The following EMC8 variants were observed in gnomAD, a reference collection of about 807,000 sequenced individuals.
EMC8 encodes ER membrane protein complex subunit 8, also known as COX4 neighbor.
In EMC8, 11 loss-of-function variants were observed where a neutral mutation model predicts 24.3. The ratio of observed to expected loss-of-function variants is 0.45; its 90% CI spans 0.28 to 0.75. The LOEUF is 0.75. Among genes scored for constraint, EMC8 ranks in the 30% least tolerant of loss-of-function variants. The pLI is 0.12. For missense variants in EMC8, 277 were observed against 282.7 expected, an observed-to-expected ratio of 0.98 and a Z score of 0.14; for synonymous variants, 145 against 117.7, an observed-to-expected ratio of 1.23 and a Z score of -1.50.
At chr16:85,795,086 C>T (rs370628925) in intron 1 of EMC8, among the ~76,000 whole-genome samples, 2 of 151,970 alleles carry the variant, frequency 1.3e-5, no homozygotes, top group Non-Finnish European at 2.9e-5. Flanking sequence ...ATCCCATAGT[C>T]GGAACAGAAG....
At chr16:85,783,555 A>G (rs1275670941) in intron 2 of EMC8, among the ~76,000 whole-genome samples, 3 of 152,226 alleles carry the variant, frequency 2.0e-5, no homozygotes, top group Non-Finnish European at 2.9e-5. Context: ...ACAGCCCCAC[A>G]GACTACTGCT....
chr16:85,781,158 G>A, intron 3 of EMC8, 53 bp downstream of exon 3: 1 of 1,298,014 alleles, frequency 7.7e-7, no homozygotes. Context: ...CAAGCTCCAG[G>A]TTGGTGAGAG....
Position 85,779,347 on chromosome 16 carries a change from T to A in EMC8, c.*361A>T, listed in dbSNP as rs946235225. 16 of 160,340 alleles carry A rather than the reference T, an allele frequency of 1.0e-4. No individual in the cohort carries two copies. The highest frequency in any genetic ancestry group is 3.8e-4 in the African/African-American group (15 of 39,600). The allele number at this position is 160,340 out of a possible 1,614,324, so 9.9% of individuals were successfully genotyped here. ...TAAGATGTGGGCTTTTTTTTTTTTTTTTAAAAAAAGATAGTTCAAAAGCCT... is the reference window on the plus strand; with the variant it reads ...TAAGATGTGGGCTTTTTTTTTTTTTATTAAAAAAAGATAGTTCAAAAGCCT... On this transcript the variant is annotated 3_prime_UTR_variant, in exon 5 of 5. Transcript: ENST00000253457.
chr16:85,780,058 G>C (rs1477040176), intron 4 of EMC8, 191 bp from the exon 5 acceptor site: 1 of 609,674 alleles, frequency 1.6e-6, no homozygotes. Context: ...ACATGGAAGG[G>C]ACGCCTTTCA....
intron 1 of EMC8, chr16:85,792,630 G>C (rs1597207654): frequency 1.3e-5 from 2 of 152,492 alleles, no homozygotes; most frequent in South Asian, 4.1e-4. Flanking sequence ...GCTGGGGGAA[G>C]AGGATGGGGC....
chr16:85,785,324 C>T (rs1597202291), intron 2 of EMC8, among the ~76,000 whole-genome samples: 1 of 152,086 alleles, frequency 6.6e-6, no homozygotes, highest in Admixed American at 6.6e-5. Context: ...AATCCCAGCA[C>T]TTTGGGAGGT....
In EMC8 at chr16:85,778,774, G is replaced by T. The variant is rs1904359227; in HGVS notation, c.*934C>A. ...CCATGGAGTCAAAGAAAAGACAGTAGGAAAGGTACCGCTCTCTGAACTTTG... is the reference window on the plus strand; with the variant it reads ...CCATGGAGTCAAAGAAAAGACAGTATGAAAGGTACCGCTCTCTGAACTTTG... On this transcript the variant is annotated 3_prime_UTR_variant, in exon 5 of 5. Coordinates refer to ENST00000253457, the MANE Select transcript of EMC8 (RefSeq NM_006067.5). 2.0e-5 allele frequency: 3 copies of T among 152,088 alleles called. No homozygotes were observed. Among genetic ancestry groups the T allele is most frequent in the Admixed American group, 2.0e-4 (3 of 15,274 alleles). The allele number at this position is 152,088 out of a possible 1,614,324, so 9.4% of individuals were successfully genotyped here.
chr16:85,778,783 C>T lies in EMC8; in HGVS notation c.*925G>A, dbSNP rs933209496. 12 of 152,144 alleles carry T rather than the reference C, an allele frequency of 7.9e-5. No individual in the cohort carries two copies. The highest frequency in any genetic ancestry group is 7.9e-4 in the Admixed American group (12 of 15,278). 9.4% of individuals were successfully genotyped at this position (152,144 alleles called of 1,614,324 possible). The stretch of plus-strand genomic sequence containing the variant: ...CAAAGAAAAGACAGTAGGAAAGGTA[C>T]CGCTCTCTGAACTTTGTACAAAATA... On this transcript the variant is annotated 3_prime_UTR_variant, in exon 5 of 5. Coordinates refer to ENST00000253457, the MANE Select transcript of EMC8 (RefSeq NM_006067.5).
At position 85,779,122 on chromosome 16, in the gene EMC8, G is replaced by C. The variant is rs1037804103; in HGVS notation, c.*586C>G. 1.3e-5 allele frequency: 2 copies of C among 152,324 alleles called. No individual in the cohort carries two copies. The highest frequency in any genetic ancestry group is 4.8e-5 in the African/African-American group (2 of 41,430). The allele number at this position is 152,324 out of a possible 1,614,324, so 9.4% of individuals were successfully genotyped here. On this transcript the variant is annotated 3_prime_UTR_variant, in exon 5 of 5. Transcript: ENST00000253457. ...TCAGTGGTGTCACTCCCGCTGGGCAGAGTTGCGGTGGCTCTGTGAGCCGAC... is the reference window on the plus strand; with the variant it reads ...TCAGTGGTGTCACTCCCGCTGGGCACAGTTGCGGTGGCTCTGTGAGCCGAC...
chr16:85,799,023 G>T lies in EMC8; in HGVS notation c.231+42C>A, dbSNP rs1227764451. On this transcript the variant is annotated intron_variant, in intron 1 of 4. Coordinates refer to ENST00000253457, the MANE Select transcript of EMC8 (RefSeq NM_006067.5). This position sits in a 1 kb window ranked among gnomAD's most constrained non-coding sequence, Gnocchi z 4.2. ...CTTCCTCTCTGCTGACTGAGGGGAG[G>T]CCAGGCTGCCTGCAAGGGGAAGGGG... The T allele has an allele frequency of 2.3e-5, 32 of 1,362,590 alleles. No individual in the cohort carries two copies. The highest frequency in any genetic ancestry group is 2.9e-5 in the Non-Finnish European group (29 of 990,854). 84.4% of individuals were successfully genotyped at this position (1,362,590 alleles called of 1,614,324 possible). A position where few individuals can be genotyped will look rare whatever the true frequency, so the allele number is the denominator to read the frequency against.
chr16:85,780,945 C>T (rs1344068849), intron 3 of EMC8: 1 of 525,482 alleles, frequency 1.9e-6, no homozygotes, highest in Non-Finnish European at 3.4e-6. Flanking sequence ...GGGGTGGGTG[C>T]CTGGGAATTC....
At chr16:85,780,290 A>G (rs891224553) in intron 4 of EMC8, 89 bp downstream of exon 4, 1 of 938,392 alleles carries the variant, frequency 1.1e-6, no homozygotes, top group Non-Finnish European at 1.7e-6. Context: ...AGAAAACGCT[A>G]ACTGAAAACA....
At position 85,783,065 on chromosome 16, in the gene EMC8, C is replaced by T. The variant is rs138107138; in HGVS notation, c.309-1785G>A. Among the ~76,000 whole-genome samples the T allele has an allele frequency of 1.6e-4, 24 of 152,220 alleles. No homozygotes were observed. The East Asian group carries it at 3.1e-3, about 20-fold the overall frequency. On this transcript the variant is annotated intron_variant, in intron 2 of 4. Coordinates refer to ENST00000253457, the MANE Select transcript of EMC8 (RefSeq NM_006067.5). The stretch of plus-strand genomic sequence containing the variant: ...CTGTAATCCCTGCACTTTCGGAGGC[C>T]GAGGCAGGTGGATCACCTGATGAGG...
Position 85,781,259 on chromosome 16 carries a change from C to T in EMC8, c.330G>A (p.Lys110=), listed in dbSNP as rs2084719. The part of the protein sequence containing the change: ...KDASPNQVAE[K]VASRIAEGFS... ...AGCCCTCGGCGATTCTGGAGGCCAC[C>T]TTCTCTGCAACCTGGTTTGGACTGT... Residue 110 remains lysine (K), a synonymous_variant, in exon 3 of 5, where the codon AAG becomes AAA. Transcript: ENST00000253457. 3.1e-6 allele frequency: 5 copies of T among 1,608,450 alleles called. No homozygotes were observed. The highest frequency in any genetic ancestry group is 3.4e-6 in the Non-Finnish European group (4 of 1,178,428).
intron 1 of EMC8, among the ~76,000 whole-genome samples, chr16:85,793,617 G>A (rs897400765): frequency 1.3e-5 from 2 of 152,198 alleles, no homozygotes; most frequent in African/African-American, 2.4e-5. Flanking sequence ...GGCAGCCGCC[G>A]TGCAGAGGAG....
At chr16:85,796,482 C>G (rs1479045202) in intron 1 of EMC8, among the ~76,000 whole-genome samples, 1 of 152,158 alleles carries the variant, frequency 6.6e-6, no homozygotes, top group Admixed American at 6.5e-5. Context: ...AGGCTGGGGC[C>G]ATCACTCGAA....
chr16:85,781,935 C>T (rs946385801), intron 2 of EMC8: 19 of 152,708 alleles, frequency 1.2e-4, no homozygotes, highest in African/African-American at 4.3e-4. Flanking sequence ...GACAGCCCCA[C>T]TGTGATGGCT....
At chr16:85,789,942 C>T (rs909866237) in intron 1 of EMC8, among the ~76,000 whole-genome samples, 2 of 152,126 alleles carry the variant, frequency 1.3e-5, no homozygotes, top group African/African-American at 4.8e-5. Flanking sequence ...CTCCGGCGTG[C>T]TTTGAAATGG....
At chr16:85,794,344 CTG>C (rs1208364037) in intron 1 of EMC8, among the ~76,000 whole-genome samples, 2 of 152,186 alleles carry the variant, frequency 1.3e-5, no homozygotes, top group Non-Finnish European at 1.5e-5. Context: ...CACTGGATTG[CTG>C]TCTTTTTCAT....
Sources: allele counts gnomAD v4.1 joint callset (sites outside exome capture counted in the v4.1 genomes callset), GRCh38; gene constraint gnomAD v4.1.1; non-coding constraint Gnocchi (gnomAD v3.1); transcripts MANE v1.5; gene names NCBI Gene and HGNC (gene_info 2026-07-23, HGNC 2026-07-21).